The following EPN1 variants were observed in gnomAD, a reference collection of about 807,000 sequenced individuals.
The protein encoded by EPN1 is epsin-1.
Under a neutral mutation model 56.9 loss-of-function variants are expected in EPN1, and 25 were observed. The observed-to-expected ratio is 0.44, with a 90% CI of 0.32 to 0.61. The LOEUF is 0.61. Ranked by LOEUF, EPN1 falls within the 20% of genes least tolerant of loss-of-function variation. EPN1 has a pLI of 0.05. For missense variants in EPN1, 785 were observed against 823.7 expected (o/e 0.95, Z 0.58); for synonymous variants, 411 against 361.8 (o/e 1.14, Z -1.54).
chr19:55,700,933 C>G lies in EPN1; in HGVS notation c.*5577C>G, dbSNP rs369327003. The G allele has an allele frequency of 1.0e-4, 16 of 152,384 alleles. No homozygotes were observed. The highest frequency in any genetic ancestry group is 3.6e-4 in the African/African-American group (15 of 41,572). The allele number at this position is 152,384 out of a possible 1,614,324, so 9.4% of individuals were successfully genotyped here. A position where few individuals can be genotyped will look rare whatever the true frequency, so the allele number is the denominator to read the frequency against. ...CCACCCAAATCAAGCATCACTACAT[C>G]CATCCGCAGGGGAGGCAAGCTTAGG... On this transcript the variant is annotated 3_prime_UTR_variant, in exon 11 of 11. Coordinates refer to ENST00000270460, the MANE Select transcript of EPN1 (RefSeq NM_001130072.2).
At chr19:55,688,152 G>T (rs1234912705) in intron 3 of EPN1, among the ~76,000 whole-genome samples, 1 of 152,208 alleles carries the variant, frequency 6.6e-6, no homozygotes, top group Non-Finnish European at 1.5e-5. Flanking sequence ...CCTGGTTGGA[G>T]CCTGTCCTCT....
At chr19:55,681,278 A>G (rs750689799) in intron 2 of EPN1, among the ~76,000 whole-genome samples, 1 of 152,180 alleles carries the variant, frequency 6.6e-6, no homozygotes, top group East Asian at 1.9e-4. Context: ...CATGAAATCC[A>G]CGGTTACCCT....
Position 55,692,017 on chromosome 19 carries a change from T to G in EPN1, c.1026T>G (p.Ala342=). The change falls in exon 7 of 11, where the codon GCT becomes GCG. Residue 342 remains alanine, a synonymous_variant. Coordinates refer to ENST00000270460, the MANE Select transcript of EPN1 (RefSeq NM_001130072.2). The part of the protein sequence containing the change: ...DPWGGTPAPA[A]GEGPTPDPWG... The stretch of plus-strand genomic sequence containing the variant: ...GGGGTGGGACCCCAGCCCCTGCAGC[T>G]GGGGAGGGGCCCACGCCTGATCCAT... 1.4e-6 allele frequency: 2 copies of G among 1,473,352 alleles called. No homozygotes were observed. Among genetic ancestry groups the G allele is most frequent in the East Asian group, 4.8e-5 (2 of 41,550 alleles). 91.3% of individuals were successfully genotyped at this position (1,473,352 alleles called of 1,614,324 possible).
intron 7 of EPN1, 67 bp from the exon 8 acceptor site, chr19:55,692,619 A>G (rs66906879): frequency 0.14 from 151,613 of 1,087,622 alleles, 14,024 homozygotes; most frequent in African/African-American, 0.43. Flanking sequence ...TTTGGAGGCA[A>G]TGGTCCTCCC....
Position 55,696,052 on chromosome 19 carries a change from A to G in EPN1, c.*696A>G. 1 of 152,802 alleles carries G rather than the reference A, an allele frequency of 6.5e-6. No individual in the cohort carries two copies. The highest frequency in any genetic ancestry group is 1.9e-4 in the East Asian group (1 of 5,182). The allele number at this position is 152,802 out of a possible 1,614,324, so 9.5% of individuals were successfully genotyped here. On this transcript the variant is annotated 3_prime_UTR_variant, in exon 11 of 11. Coordinates refer to ENST00000270460, the MANE Select transcript of EPN1 (RefSeq NM_001130072.2). ...CTTGCTCTTGTGTTGAGGGGACACC[A>G]GGATGAGGTCAGAGAGTGCACTGGG...
chr19:55,706,151 C>T lies in EPN1; in HGVS notation c.*10795C>T, dbSNP rs1222520579. 2.6e-5 allele frequency: 5 copies of T among 193,492 alleles called. No individual in the cohort carries two copies. Among genetic ancestry groups the T allele is most frequent in the Admixed American group, 1.2e-4 (2 of 17,050 alleles). 12.0% of individuals were successfully genotyped at this position (193,492 alleles called of 1,614,324 possible). On this transcript the variant is annotated 3_prime_UTR_variant, in exon 11 of 11. Transcript: ENST00000270460. Reference sequence around the variant, plus strand: ...TGGAGAACTTTGATTTCTTCTTCCTCCTCCTCCTCTCTTTTCTTCTTCCTC... The same window carrying T: ...TGGAGAACTTTGATTTCTTCTTCCTTCTCCTCCTCTCTTTTCTTCTTCCTC...
chr19:55,701,813 G>A lies in EPN1; in HGVS notation c.*6457G>A, dbSNP rs949694173. ...CTGTCACAGAGACGGGTCCCGAACGGGTTGTGAAGTTGTAGAAGAAATGTC... is the reference window on the plus strand; with the variant it reads ...CTGTCACAGAGACGGGTCCCGAACGAGTTGTGAAGTTGTAGAAGAAATGTC... On this transcript the variant is annotated 3_prime_UTR_variant, in exon 11 of 11. Transcript: ENST00000270460. The A allele has an allele frequency of 3.4e-4, 51 of 152,132 alleles. No individual in the cohort carries two copies. The highest frequency in any genetic ancestry group is 1.2e-3 in the African/African-American group (51 of 41,396). The allele number at this position is 152,132 out of a possible 1,614,324, so 9.4% of individuals were successfully genotyped here. A position where few individuals can be genotyped will look rare whatever the true frequency, so the allele number is the denominator to read the frequency against.
intron 2 of EPN1, among the ~76,000 whole-genome samples, chr19:55,680,437 G>A (rs1210468733): frequency 6.6e-6 from 1 of 152,142 alleles, no homozygotes; most frequent in African/African-American, 2.4e-5. Context: ...GAGCCTGTAG[G>A]ATCCCCAGCC....
At position 55,689,675 on chromosome 19, in the gene EPN1, C is replaced by T. The variant is rs1948576724; in HGVS notation, c.679-192C>T. Among the ~76,000 whole-genome samples the T allele has an allele frequency of 6.6e-6, 1 of 152,212 alleles. No individual in the cohort carries two copies. Among genetic ancestry groups the T allele is most frequent in the Non-Finnish European group, 1.5e-5 (1 of 68,028 alleles). On this transcript the variant is annotated intron_variant, in intron 5 of 10. Transcript: ENST00000270460. The surrounding 1 kb of genome is among the most constrained non-coding windows in gnomAD (Gnocchi z 5.7). ...GGGTGCGCCAGCACAGCACCCCACT[C>T]CCCTTATCCCCTGTCCCGCCTGACC...
chr19:55,682,184 C>T (rs1460047663), intron 2 of EPN1, among the ~76,000 whole-genome samples: 1 of 152,212 alleles, frequency 6.6e-6, no homozygotes, highest in East Asian at 1.9e-4. Context: ...ATGTATAACA[C>T]AGCTGTTACG....
At position 55,708,826 on chromosome 19, in the gene EPN1, GCAATT is replaced by G; in HGVS notation, c.*13471_*13475del. 4.6e-6 allele frequency: 4 copies of G among 873,502 alleles called. No individual in the cohort carries two copies. The highest frequency in any genetic ancestry group is 6.8e-6 in the Non-Finnish European group (4 of 584,414). The allele number at this position is 873,502 out of a possible 1,614,324, so 54.1% of individuals were successfully genotyped here. A position where few individuals can be genotyped will look rare whatever the true frequency, so the allele number is the denominator to read the frequency against. On this transcript the variant is annotated 3_prime_UTR_variant, in exon 11 of 11. Transcript: ENST00000270460. ...AATCACAGCCCTGCTGCCATGATGT[GCAATT>G]ACAGGATAGAGGTGCCAGGTGAAGG...
chr19:55,706,272 TTTTTCTTCTTC>T lies in EPN1; in HGVS notation c.*10921_*10931del, dbSNP rs1987406118. 1 of 123,488 alleles carries T rather than the reference TTTTTCTTCTTC, an allele frequency of 8.1e-6. No individual in the cohort carries two copies. The highest frequency in any genetic ancestry group is 1.6e-5 in the Non-Finnish European group (1 of 63,186). 7.6% of individuals were successfully genotyped at this position (123,488 alleles called of 1,614,324 possible). A position where few individuals can be genotyped will look rare whatever the true frequency, so the allele number is the denominator to read the frequency against. On this transcript the variant is annotated 3_prime_UTR_variant, in exon 11 of 11. Transcript: ENST00000270460. The stretch of plus-strand genomic sequence containing the variant: ...CCTCCTCTTTTCTTCCTTTCTTCTC[TTTTTCTTCTTC>T]TTTTTTTTTTTTTTTTAAAAGACCG...
intron 1 of EPN1, chr19:55,677,517 T>G: frequency 7.8e-7 from 1 of 1,275,486 alleles, no homozygotes; most frequent in South Asian, 1.4e-5. Context: ...CCATTCCTGG[T>G]GTGTGACCTT....
rs1034771119 is a variant in EPN1 at position 55,704,915 on chromosome 19, A to G, written c.*9559A>G. The stretch of plus-strand genomic sequence containing the variant: ...ATCCGTAGAATGGTAGACATCATCC[A>G]CTTCCCAAGCATCTCTGGCTGAATG... On this transcript the variant is annotated 3_prime_UTR_variant, in exon 11 of 11. Coordinates refer to ENST00000270460, the MANE Select transcript of EPN1 (RefSeq NM_001130072.2). 6.6e-6 allele frequency: 1 copy of G among 152,222 alleles called. No individual in the cohort carries two copies. Among genetic ancestry groups the G allele is most frequent in the Non-Finnish European group, 1.5e-5 (1 of 68,080 alleles). The allele number at this position is 152,222 out of a possible 1,614,324, so 9.4% of individuals were successfully genotyped here. A position where few individuals can be genotyped will look rare whatever the true frequency, so the allele number is the denominator to read the frequency against.
At chr19:55,686,784 A>G (rs1453878561) in intron 3 of EPN1, among the ~76,000 whole-genome samples, 1 of 149,146 alleles carries the variant, frequency 6.7e-6, no homozygotes, top group Non-Finnish European at 1.5e-5. Context: ...GGCGGCAGAG[A>G]GGGGCTGGTC....
chr19:55,701,770 C>G lies in EPN1; in HGVS notation c.*6414C>G, dbSNP rs984346223. 2.0e-5 allele frequency: 3 copies of G among 151,792 alleles called. No homozygotes were observed. The highest frequency in any genetic ancestry group is 7.3e-5 in the African/African-American group (3 of 41,112). 9.4% of individuals were successfully genotyped at this position (151,792 alleles called of 1,614,324 possible). ...AGATTTGGAGCAGGAGTTTAATAGG[C>G]AAAAGGAAGAAACAGCTCTGTCACA... On this transcript the variant is annotated 3_prime_UTR_variant, in exon 11 of 11. Transcript: ENST00000270460.
intron 1 of EPN1, among the ~76,000 whole-genome samples, chr19:55,676,440 T>C (rs1015670553): frequency 3.3e-5 from 5 of 152,244 alleles, no homozygotes; most frequent in African/African-American, 9.6e-5. Context: ...TTTTTTCTAA[T>C]GCACGCCAAA....
In EPN1 at chr19:55,692,736, C is replaced by G. The variant is rs1480043894; in HGVS notation, c.1117C>G (p.Pro373Ala). Residue 373 changes from proline (P) to alanine (A), a missense_variant, in exon 8 of 11, where the codon CCG becomes GCG. Physicochemically the swap from Pro to Ala is conservative, Grantham distance 27. This residue lies in a region of EPN1 where 650 missense variants were observed against 605.0 expected (regional missense o/e 1.07). Coordinates refer to ENST00000270460, the MANE Select transcript of EPN1 (RefSeq NM_001130072.2). Reference sequence around the variant, plus strand: ...AGCCTCCGATCCCTGGACACCGGCCCCGGCCTTCTCAGATCCCTGGGGAGG... The same window carrying G: ...AGCCTCCGATCCCTGGACACCGGCCGCGGCCTTCTCAGATCCCTGGGGAGG... ...PSASDPWTPA[P>A]AFSDPWGGSP... 6 of 1,574,966 alleles carry G rather than the reference C, an allele frequency of 3.8e-6. No individual in the cohort carries two copies. The African/African-American group carries it at 8.1e-5, about 21-fold the overall frequency.
intron 1 of EPN1, among the ~76,000 whole-genome samples, chr19:55,675,702 G>C (rs769900246): frequency 1.2e-4 from 19 of 152,174 alleles, no homozygotes; most frequent in African/African-American, 3.9e-4. Context: ...GGAGATAGGA[G>C]TGTGTTTGTG....
Sources: allele counts gnomAD v4.1 joint callset (sites outside exome capture counted in the v4.1 genomes callset), GRCh38; gene constraint gnomAD v4.1.1; regional missense constraint gnomAD v4.1.1; non-coding constraint Gnocchi (gnomAD v3.1); transcripts MANE v1.5; gene names NCBI Gene and HGNC (gene_info 2026-07-23, HGNC 2026-07-21).